TFIP11: variants seen among roughly 807,000 people sequenced by gnomAD.
The protein encoded by TFIP11 is tuftelin-interacting protein 11.
A neutral mutation model predicts 96.8 loss-of-function variants in TFIP11; 86 were observed. The observed-to-expected ratio is 0.89, with a 90% CI of 0.75 to 1.06. The LOEUF (loss-of-function observed/expected upper bound fraction) is 1.06, where lower values mean the gene tolerates loss of function less well. Among genes scored for constraint, TFIP11 ranks in the 50% least tolerant of loss-of-function variants. TFIP11 has a pLI of 0.00. For missense variants in TFIP11, 881 were observed against 1,076.7 expected (o/e 0.82, Z 2.54); for synonymous variants, 405 against 395.2 (o/e 1.02, Z -0.29).
chr22:26,500,246 T>C (rs1922607066), intron 8 of TFIP11, among the ~76,000 whole-genome samples: 1 of 152,232 alleles, frequency 6.6e-6, no homozygotes. Context: ...CTCAGCTCAC[T>C]GCAAGCTCCG....
In TFIP11 at chr22:26,510,724, G is replaced by C. The variant is rs3752522; in HGVS notation, c.-95-22C>G. On this transcript the variant is annotated intron_variant, in intron 2 of 14. Transcript: ENST00000407690. ...GGTCCTAGGAGAGTGATTTTTTTTA[G>C]AATATGCTTTTTGAAATACATTACT... The C allele has an allele frequency of 3.5e-3, 548 of 155,882 alleles. 14 individuals carry two copies. In the East Asian group the frequency reaches 0.065, roughly 18 times the overall value. 9.7% of individuals were successfully genotyped at this position (155,882 alleles called of 1,614,324 possible).
intron 2 of TFIP11, 166 bp downstream of exon 2, chr22:26,511,933 C>T (rs134143): frequency 0.66 from 99,667 of 152,072 alleles, 32,956 homozygotes; most frequent in African/African-American, 0.73. Flanking sequence ...TAATAAGCCC[C>T]GAGTAGTCAC....
chr22:26,496,834 G>T lies in TFIP11; in HGVS notation c.1492C>A (p.Pro498Thr). The T allele has an allele frequency of 1.2e-6, 2 of 1,614,172 alleles. No homozygotes were observed. The highest frequency in any genetic ancestry group is 1.7e-6 in the Non-Finnish European group (2 of 1,180,028). ...TCCACCATCGGGTCACAGTTCCTTGGCTGCCACTGGGTGACAATATTTCGA... is the reference window on the plus strand; with the variant it reads ...TCCACCATCGGGTCACAGTTCCTTGTCTGCCACTGGGTGACAATATTTCGA... Reference protein sequence around the residue: ...FVRNIVTQWQPRNCDPMVDFL... With the variant: ...FVRNIVTQWQTRNCDPMVDFL... The change falls in exon 11 of 15, where the codon CCA becomes ACA. Residue 498 changes from proline to threonine, a missense_variant. Coordinates refer to ENST00000407690, the MANE Select transcript of TFIP11 (RefSeq NM_012143.4).
intron 10 of TFIP11, among the ~76,000 whole-genome samples, chr22:26,497,208 C>CCT (rs1247024885): frequency 6.6e-6 from 1 of 152,118 alleles, no homozygotes; most frequent in East Asian, 1.9e-4. Flanking sequence ...TGAGCTGATG[C>CCT]CTCTCACCCT....
rs989619440 is a variant in TFIP11 at position 26,510,636 on chromosome 22, T to G, written c.-29A>C. 5.2e-6 allele frequency: 1 copy of G among 191,098 alleles called. No individual in the cohort carries two copies. The highest frequency in any genetic ancestry group is 5.4e-5 in the Admixed American group (1 of 18,402). 11.8% of individuals were successfully genotyped at this position (191,098 alleles called of 1,614,324 possible). ...TATTACCTTAGAAAATGAGTAGGTA[T>G]CTTCTTAGATCCCAGATTCTTTTTT... On this transcript the variant is annotated 5_prime_UTR_variant, in exon 3 of 15. Transcript: ENST00000407690.
intron 11 of TFIP11, 107 bp from the exon 12 acceptor site, chr22:26,496,423 C>A: frequency 1.4e-6 from 2 of 1,427,836 alleles, no homozygotes; most frequent in South Asian, 2.9e-5. Flanking sequence ...CCTGTGCTCT[C>A]TGAGGCCCAC....
Position 26,491,430 on chromosome 22 carries a change from C to G in TFIP11, c.*583G>C. ...GAAGAGTGGGGATTACTGTGACTAT[C>G]TGAAGTTTTTATACTTGAATTTTTC... On this transcript the variant is annotated 3_prime_UTR_variant, in exon 15 of 15. Transcript: ENST00000407690. The G allele has an allele frequency of 6.5e-7, 1 of 1,534,906 alleles. No homozygotes were observed. Among genetic ancestry groups the G allele is most frequent in the Non-Finnish European group, 9.0e-7 (1 of 1,114,334 alleles).
In TFIP11 at chr22:26,506,925, G is replaced by C; in HGVS notation, c.213C>G (p.Ala71=). Residue 71 remains alanine (A), a synonymous_variant, in exon 5 of 15, where the codon GCC becomes GCG. Transcript: ENST00000407690. ...AGTTGACTGGCGCAGAGTAGTCACG[G>C]GCCCTGTAGGCACAGAAACAAAGCC... The part of the protein sequence containing the change: ...DERPSFGGKR[A]RDYSAPVNFI... The C allele has an allele frequency of 6.2e-7, 1 of 1,613,682 alleles. No homozygotes were observed. Among genetic ancestry groups the C allele is most frequent in the Non-Finnish European group, 8.5e-7 (1 of 1,179,738 alleles).
intron 8 of TFIP11, 92 bp downstream of exon 8, chr22:26,501,803 AAAAAG>A: frequency 1.2e-6 from 1 of 841,260 alleles, no homozygotes. Flanking sequence ...AAAAAAAAAA[AAAAAG>A]CCTAGCTAAA....
intron 7 of TFIP11, among the ~76,000 whole-genome samples, chr22:26,502,938 G>C (rs1922969535): frequency 6.6e-6 from 1 of 152,218 alleles, no homozygotes; most frequent in Non-Finnish European, 1.5e-5. Context: ...CTGACTCACA[G>C]TGGTCAATCC....
chr22:26,511,278 C>G (rs1350163426), intron 2 of TFIP11: 1 of 152,174 alleles, frequency 6.6e-6, no homozygotes, highest in African/African-American at 2.4e-5. Flanking sequence ...TCTCTCTTTT[C>G]ACATTTTTCT....
intron 8 of TFIP11, among the ~76,000 whole-genome samples, chr22:26,500,009 A>G (rs1922579831): frequency 6.6e-6 from 1 of 152,272 alleles, no homozygotes; most frequent in African/African-American, 2.4e-5. Context: ...TTTGATTTAA[A>G]AAATGCACAT....
Position 26,501,890 on chromosome 22 carries a change from GC to G in TFIP11, c.801+9del. 6.2e-7 allele frequency: 1 copy of G among 1,605,750 alleles called. No individual in the cohort carries two copies. Among genetic ancestry groups the G allele is most frequent in the Non-Finnish European group, 8.5e-7 (1 of 1,175,334 alleles). On this transcript the variant is annotated intron_variant, in intron 8 of 14. Coordinates refer to ENST00000407690, the MANE Select transcript of TFIP11 (RefSeq NM_012143.4). ...TGGATCCTGTACCAGGTGTCCAAGG[GC>G]CCCTGTACCTTGACTTGAGAAAGTT...
intron 4 of TFIP11, among the ~76,000 whole-genome samples, chr22:26,508,123 C>T (rs1923644262): frequency 6.6e-6 from 1 of 152,084 alleles, no homozygotes; most frequent in East Asian, 1.9e-4. Context: ...AAAAGAAAAC[C>T]TGGGAATACA....
At chr22:26,495,803 A>C (rs1385829718) in intron 12 of TFIP11, among the ~76,000 whole-genome samples, 1 of 152,100 alleles carries the variant, frequency 6.6e-6, no homozygotes, top group Non-Finnish European at 1.5e-5. Context: ...CTATTACCAG[A>C]AGCCAAAACC....
chr22:26,494,041 C>T, intron 14 of TFIP11, 98 bp downstream of exon 14: 3 of 1,406,862 alleles, frequency 2.1e-6, no homozygotes, highest in South Asian at 1.3e-5. Flanking sequence ...AAGGTTTAGG[C>T]TGCCTACAGG....
At position 26,503,601 on chromosome 22, in the gene TFIP11, A is replaced by C; in HGVS notation, c.648+65T>G. On this transcript the variant is annotated intron_variant, in intron 7 of 14. Coordinates refer to ENST00000407690, the MANE Select transcript of TFIP11 (RefSeq NM_012143.4). ...ATCTGAGGACTAACAGAATGAAGGG[A>C]TAAATGAACAGCCATTAGAAATGGA... 2.5e-6 allele frequency: 4 copies of C among 1,589,792 alleles called. No individual in the cohort carries two copies. In the Admixed American group the frequency reaches 7.0e-5, roughly 28 times the overall value.
chr22:26,510,329 C>T, intron 3 of TFIP11, 48 bp from the exon 4 acceptor site: 1 of 1,558,350 alleles, frequency 6.4e-7, no homozygotes, highest in Admixed American at 1.7e-5. Flanking sequence ...CTGGGGGCAG[C>T]AGTCGAAGGA....
Position 26,496,111 on chromosome 22 carries a change from C to T in TFIP11, c.1811G>A (p.Trp604Ter). ...TATGTTTTTGACCATGAATGCTTCC[C>T]AGGAGCCAGGAGTGAAGACATCCTT... is the stretch of plus-strand genomic sequence containing the variant. ...PWKDVFTPGSWEAFMVKNIVP... is the reference protein window; with the variant it reads ...PWKDVFTPGS The change falls in exon 12 of 15, where the codon TGG becomes TAG. Residue 604 changes from tryptophan (W) to a stop codon, truncating the protein, a stop_gained. Coordinates refer to ENST00000407690, the MANE Select transcript of TFIP11 (RefSeq NM_012143.4). LOFTEE classifies it high-confidence loss of function. 2 of 1,613,892 alleles carry T rather than the reference C, an allele frequency of 1.2e-6. No individual in the cohort carries two copies. Among genetic ancestry groups the T allele is most frequent in the Non-Finnish European group, 1.7e-6 (2 of 1,180,032 alleles).
Sources: gnomAD v4.1 joint callset for allele counts (sites outside exome capture counted in the v4.1 genomes callset) on GRCh38, gnomAD v4.1.1 for gene constraint, MANE v1.5 for transcripts, NCBI Gene and HGNC (gene_info 2026-07-23, HGNC 2026-07-21) for gene names.